ZNF143: variants seen among roughly 807,000 people sequenced by gnomAD.
ZNF143 encodes SPH-binding factor.
ZNF143 carries 49 observed loss-of-function variants against 74.1 expected under a neutral mutation model. The observed-to-expected ratio is 0.66, with a 90% CI of 0.53 to 0.84. The LOEUF is 0.84. ZNF143 is among the 40% of genes least tolerant of loss of function. The pLI, the probability that ZNF143 is intolerant of heterozygous loss-of-function variation, is 0.00. For missense variants in ZNF143, 637 were observed against 793.4 expected, an observed-to-expected ratio of 0.80 and a Z score of 2.37; for synonymous variants, 304 against 282.8, an observed-to-expected ratio of 1.07 and a Z score of -0.75.
chr11:9,513,340 CTCATT>C (rs1388933061), intron 13 of ZNF143, among the ~76,000 whole-genome samples: 6 of 152,212 alleles, frequency 3.9e-5, no homozygotes, highest in Non-Finnish European at 7.3e-5. Context: ...CTTACACCTT[CTCATT>C]TATCTCCTTC....
chr11:9,489,489 A>G (rs1051081856), intron 7 of ZNF143, among the ~76,000 whole-genome samples: 8 of 152,212 alleles, frequency 5.3e-5, no homozygotes, highest in Admixed American at 1.3e-4. Context: ...AAAATGTCCA[A>G]TACTCATCAT....
At chr11:9,474,420 A>T (rs1400459229) in intron 4 of ZNF143, 130 bp from the exon 5 acceptor site, 2 of 880,812 alleles carry the variant, frequency 2.3e-6, no homozygotes, top group South Asian at 1.7e-5. Context: ...ACTTACTTAA[A>T]TGTTCAAAGA....
intron 11 of ZNF143, 30 bp downstream of exon 11, chr11:9,501,300 T>A: frequency 6.2e-7 from 1 of 1,607,528 alleles, no homozygotes; most frequent in Non-Finnish European, 8.5e-7. Context: ...TGGTCTTTTA[T>A]CTTTCAAGGC....
intron 5 of ZNF143, among the ~76,000 whole-genome samples, chr11:9,476,081 C>A (rs917708650): frequency 3.9e-5 from 6 of 151,990 alleles, no homozygotes; most frequent in Non-Finnish European, 8.8e-5. Context: ...AAGGGAAGTT[C>A]AGGGGTTTGA....
At chr11:9,479,593 G>A in intron 7 of ZNF143, 47 bp downstream of exon 7, 1 of 1,498,890 alleles carries the variant, frequency 6.7e-7, no homozygotes, top group Non-Finnish European at 9.2e-7. Flanking sequence ...TAGCATTTCT[G>A]TGCCCTTCTG....
chr11:9,504,316 A>G (rs146518024), intron 11 of ZNF143, among the ~76,000 whole-genome samples: 1 of 122,088 alleles, frequency 8.2e-6, no homozygotes, highest in African/African-American at 2.6e-5. Flanking sequence ...AGAAATGTCT[A>G]TTCAAATCCT....
At chr11:9,505,278 CT>C (rs1231083049) in intron 11 of ZNF143, among the ~76,000 whole-genome samples, 5 of 143,744 alleles carry the variant, frequency 3.5e-5, no homozygotes, top group African/African-American at 5.1e-5. Context: ...GGCCAAAAGA[CT>C]TTTTTTTTGA....
chr11:9,511,638 A>G (rs1017573234), intron 12 of ZNF143, among the ~76,000 whole-genome samples: 7 of 151,076 alleles, frequency 4.6e-5, no homozygotes, highest in Admixed American at 4.6e-4. Flanking sequence ...TGGTTTCTCC[A>G]TGTTGGTCAG....
At chr11:9,514,496 C>A (rs1443502443) in intron 13 of ZNF143, among the ~76,000 whole-genome samples, 2 of 152,082 alleles carry the variant, frequency 1.3e-5, no homozygotes, top group Non-Finnish European at 2.9e-5. Context: ...AGGAGAGAGA[C>A]CCTTTTAGAA....
intron 11 of ZNF143, among the ~76,000 whole-genome samples, chr11:9,503,066 C>T (rs1407596640): frequency 6.6e-6 from 1 of 152,108 alleles, no homozygotes; most frequent in Non-Finnish European, 1.5e-5. Flanking sequence ...CTCCTGACCT[C>T]GTGATCCACC....
At chr11:9,501,987 A>G (rs1589918450) in intron 11 of ZNF143, among the ~76,000 whole-genome samples, 1 of 110,546 alleles carries the variant, frequency 9.0e-6, no homozygotes, top group Non-Finnish European at 1.6e-5. Flanking sequence ...CCCAGGCTGG[A>G]GTGCAATGGC....
At chr11:9,510,157 C>T (rs1245803420) in intron 12 of ZNF143, among the ~76,000 whole-genome samples, 1 of 149,528 alleles carries the variant, frequency 6.7e-6, no homozygotes, top group Non-Finnish European at 1.5e-5. Context: ...TGGAGTCTCG[C>T]TCTGTTGCCC....
In ZNF143 at chr11:9,486,412, A is replaced by ATTATATATT. The variant is rs1491276045; in HGVS notation, c.645+6866_645+6867insTTATATATT. 1.0e-4 allele frequency among the ~76,000 whole-genome samples: 2 copies of ATTATATATT among 19,326 alleles called. 1 individual carries two copies. The highest frequency in any genetic ancestry group is 2.0e-4 in the Non-Finnish European group (2 of 9,844). 12.7% of individuals were successfully genotyped at this position (19,326 alleles called of 152,430 possible). On this transcript the variant is annotated intron_variant, in intron 7 of 15. Coordinates refer to ENST00000396602, the MANE Select transcript of ZNF143 (RefSeq NM_003442.6). ...AATATATATAATATATTATATATAT[A>ATTATATATT]ATATATATTATATATATTATATATA...
intron 7 of ZNF143, among the ~76,000 whole-genome samples, chr11:9,492,524 G>T (rs1443871122): frequency 6.6e-6 from 1 of 152,102 alleles, no homozygotes; most frequent in Non-Finnish European, 1.5e-5. Context: ...TGAGATTACA[G>T]GTCTGAGCCA....
intron 2 of ZNF143, among the ~76,000 whole-genome samples, chr11:9,472,368 T>C (rs1011575133): frequency 6.6e-6 from 1 of 152,214 alleles, no homozygotes; most frequent in Non-Finnish European, 1.5e-5. Flanking sequence ...TTCTTCTGCC[T>C]CAGCCTCCCA....
At chr11:9,489,210 G>A (rs1274101161) in intron 7 of ZNF143, among the ~76,000 whole-genome samples, 1 of 152,132 alleles carries the variant, frequency 6.6e-6, no homozygotes, top group African/African-American at 2.4e-5. Flanking sequence ...GGTCTGTTTT[G>A]AGTAATTAGA....
intron 8 of ZNF143, among the ~76,000 whole-genome samples, chr11:9,495,179 C>T (rs1012808853): frequency 4.6e-5 from 7 of 152,164 alleles, no homozygotes; most frequent in African/African-American, 1.7e-4. Flanking sequence ...CGTGGTGGCT[C>T]ATGCCTGTAA....
chr11:9,480,894 AAAAAAG>A (rs1182225199), intron 7 of ZNF143, among the ~76,000 whole-genome samples: 3 of 151,914 alleles, frequency 2.0e-5, no homozygotes, highest in African/African-American at 7.3e-5. Flanking sequence ...TCAAAAAAAA[AAAAAAG>A]AAAAAAGAAA....
At chr11:9,499,491 C>A (rs920324974) in intron 10 of ZNF143, among the ~76,000 whole-genome samples, 1 of 152,190 alleles carries the variant, frequency 6.6e-6, no homozygotes, top group Admixed American at 6.5e-5. Context: ...GGGGAGAAAT[C>A]TTTTGGAATG....
Sources: gnomAD v4.1 joint callset for allele counts (sites outside exome capture counted in the v4.1 genomes callset) on GRCh38, gnomAD v4.1.1 for gene constraint, MANE v1.5 for transcripts, NCBI Gene and HGNC (gene_info 2026-07-23, HGNC 2026-07-21) for gene names.